TMEM45A: variants seen among roughly 807,000 people sequenced by gnomAD.
The protein encoded by TMEM45A is transmembrane protein 45A.
In TMEM45A, 25 loss-of-function variants were observed where a neutral mutation model predicts 32.0. That is an observed-to-expected ratio of 0.78 (90% confidence interval 0.57 to 1.09). The LOEUF (loss-of-function observed/expected upper bound fraction) is 1.09. Ranked by LOEUF, TMEM45A falls within the 50% of genes least tolerant of loss-of-function variation. The probability of loss-of-function intolerance (pLI) is 0.00; values close to 1 mark genes in which losing one functional copy is unlikely to be tolerated. For missense variants in TMEM45A, 302 were observed against 325.0 expected, an observed-to-expected ratio of 0.93 and a Z score of 0.54; for synonymous variants, 122 against 114.8, an observed-to-expected ratio of 1.06 and a Z score of -0.40.
intron 1 of TMEM45A, among the ~76,000 whole-genome samples, chr3:100,531,895 G>A (rs1320807583): frequency 6.6e-6 from 1 of 152,146 alleles, no homozygotes; most frequent in Non-Finnish European, 1.5e-5. Context: ...TTGTAGTTTT[G>A]CTGAATTTGT....
At chr3:100,496,844 A>G (rs1314894715) in intron 1 of TMEM45A, among the ~76,000 whole-genome samples, 1 of 152,218 alleles carries the variant, frequency 6.6e-6, no homozygotes, top group Non-Finnish European at 1.5e-5. Context: ...TTAAAAAAAT[A>G]AATAGAGAGA....
At position 100,551,205 on chromosome 3, in the gene TMEM45A, G is replaced by C. The variant is rs1379270749; in HGVS notation, c.-3-4004G>C. Among the ~76,000 whole-genome samples, 3 of 151,986 alleles carry C rather than the reference G, an allele frequency of 2.0e-5. No individual in the cohort carries two copies. The East Asian group carries it at 5.8e-4, about 29-fold the overall frequency. On this transcript the variant is annotated intron_variant, in intron 1 of 5. Transcript: ENST00000323523. ...CTTTTCTGTATTTTTAGTGGAGACGGGGTTTCGCCGTGTCAGCCAGGATGG... is the reference window on the plus strand; with the variant it reads ...CTTTTCTGTATTTTTAGTGGAGACGCGGTTTCGCCGTGTCAGCCAGGATGG...
chr3:100,505,576 C>T (rs932544659), intron 1 of TMEM45A, among the ~76,000 whole-genome samples: 6 of 152,156 alleles, frequency 3.9e-5, no homozygotes, highest in African/African-American at 1.4e-4. Flanking sequence ...AAGGACCTTA[C>T]TTTGAAAAAC....
chr3:100,524,593 T>C (rs1289596099), intron 1 of TMEM45A, among the ~76,000 whole-genome samples: 2 of 152,168 alleles, frequency 1.3e-5, no homozygotes, highest in South Asian at 4.1e-4. Context: ...CTAGTCCCAA[T>C]TGAGATGTGT....
intron 1 of TMEM45A, among the ~76,000 whole-genome samples, chr3:100,547,109 C>A (rs1046018769): frequency 6.6e-6 from 1 of 152,014 alleles, no homozygotes; most frequent in Non-Finnish European, 1.5e-5. Flanking sequence ...AATGTAGCTT[C>A]ATTATATACT....
chr3:100,555,647 T>C (rs889807449), intron 2 of TMEM45A, among the ~76,000 whole-genome samples: 2 of 152,336 alleles, frequency 1.3e-5, no homozygotes, highest in South Asian at 4.1e-4. Context: ...TTTTTCTTGG[T>C]TCCTAAATTG....
intron 1 of TMEM45A, among the ~76,000 whole-genome samples, chr3:100,547,714 G>A (rs112012385): frequency 1.2e-4 from 19 of 152,070 alleles, no homozygotes; most frequent in Non-Finnish European, 2.1e-4. Context: ...ATTTCCTTGA[G>A]TTGTTTTAAT....
At chr3:100,546,603 G>T (rs73860689) in intron 1 of TMEM45A, among the ~76,000 whole-genome samples, 1 of 152,172 alleles carries the variant, frequency 6.6e-6, no homozygotes, top group Non-Finnish European at 1.5e-5. Flanking sequence ...TTTCCTTATC[G>T]TTAGCAGTCC....
chr3:100,506,665 A>G (rs1195382181), intron 1 of TMEM45A, among the ~76,000 whole-genome samples: 1 of 152,198 alleles, frequency 6.6e-6, no homozygotes, highest in Non-Finnish European at 1.5e-5. Context: ...GACACCTTCA[A>G]CCTTGCCATT....
chr3:100,528,806 G>A (rs1705594966), intron 1 of TMEM45A, among the ~76,000 whole-genome samples: 1 of 152,050 alleles, frequency 6.6e-6, no homozygotes, highest in Admixed American at 6.6e-5. Flanking sequence ...AATTCTGATT[G>A]TAGAATCAAT....
At chr3:100,533,014 T>C (rs1404776588) in intron 1 of TMEM45A, among the ~76,000 whole-genome samples, 2 of 152,218 alleles carry the variant, frequency 1.3e-5, no homozygotes, top group African/African-American at 2.4e-5. Context: ...TGCAGCTCTT[T>C]CTCATTATCT....
At chr3:100,494,293 G>A (rs764367554) in intron 1 of TMEM45A, among the ~76,000 whole-genome samples, 4 of 152,058 alleles carry the variant, frequency 2.6e-5, no homozygotes, top group East Asian at 1.9e-4. Context: ...TTTAATTTCC[G>A]GCTCAGAAAG....
intron 1 of TMEM45A, among the ~76,000 whole-genome samples, chr3:100,541,192 G>A (rs1046275108): frequency 1.3e-4 from 20 of 151,944 alleles, no homozygotes; most frequent in Admixed American, 1.2e-3. Context: ...TTGCTCATTC[G>A]ATTGTTTAAG....
chr3:100,556,252 A>T (rs1255243051), intron 2 of TMEM45A, among the ~76,000 whole-genome samples: 3 of 152,044 alleles, frequency 2.0e-5, no homozygotes, highest in Non-Finnish European at 4.4e-5. Flanking sequence ...AAGTGTTGGG[A>T]TTATAGGTGT....
chr3:100,559,407 G>A (rs941995641), intron 4 of TMEM45A, among the ~76,000 whole-genome samples: 1 of 152,266 alleles, frequency 6.6e-6, no homozygotes, highest in South Asian at 2.1e-4. Context: ...GCATTGGTAG[G>A]TGAGGGGGAG....
intron 1 of TMEM45A, among the ~76,000 whole-genome samples, chr3:100,501,806 A>G (rs1708011403): frequency 6.6e-6 from 1 of 152,328 alleles, no homozygotes; most frequent in African/African-American, 2.4e-5. Flanking sequence ...ACCTAAAAGT[A>G]TAATTAGTCC....
At chr3:100,576,524 G>A (rs1706689841) in intron 5 of TMEM45A, among the ~76,000 whole-genome samples, 1 of 152,126 alleles carries the variant, frequency 6.6e-6, no homozygotes, top group Admixed American at 6.5e-5. Context: ...GGAGGCTGAG[G>A]CAGGAGGATT....
intron 1 of TMEM45A, among the ~76,000 whole-genome samples, chr3:100,535,940 A>T (rs1194057130): frequency 6.6e-6 from 1 of 152,226 alleles, no homozygotes; most frequent in Non-Finnish European, 1.5e-5. Flanking sequence ...CTAAGAGAAA[A>T]GGGGAAAAAA....
chr3:100,513,162 G>C (rs1708196239), intron 1 of TMEM45A, among the ~76,000 whole-genome samples: 1 of 147,092 alleles, frequency 6.8e-6, no homozygotes, highest in Admixed American at 6.7e-5. Flanking sequence ...GCCTGGCAGA[G>C]ACACAACAAA....
Sources: allele counts gnomAD v4.1 joint callset (sites outside exome capture counted in the v4.1 genomes callset), GRCh38; gene constraint gnomAD v4.1.1; transcripts MANE v1.5; gene names NCBI Gene and HGNC (gene_info 2026-07-23, HGNC 2026-07-21).